The following DSCAML1 variants were observed in gnomAD, a reference collection of about 807,000 sequenced individuals.
The protein encoded by DSCAML1 is cell adhesion molecule DSCAML1.
In DSCAML1, 38 loss-of-function variants were observed where a neutral mutation model predicts 200.5. The observed-to-expected ratio is 0.19, with a 90% CI of 0.15 to 0.25. DSCAML1 has a LOEUF of 0.25. Among genes scored for constraint, DSCAML1 ranks in the 10% least tolerant of loss-of-function variants. The pLI, the probability that DSCAML1 is intolerant of heterozygous loss-of-function variation, is 1.00. For synonymous variants in DSCAML1, 1,215 were observed against 1,165.0 expected, an observed-to-expected ratio of 1.04 and a Z score of -0.87; for missense variants, 2,223 against 2,858.8, an observed-to-expected ratio of 0.78 and a Z score of 5.07.
chr11:117,747,343 T>C (rs2054534487), intron 3 of DSCAML1, among the ~76,000 whole-genome samples: 1 of 152,204 alleles, frequency 6.6e-6, no homozygotes. Flanking sequence ...AGGTACTATA[T>C]TGATGTAGTC....
chr11:117,458,404 C>CA lies in DSCAML1; in HGVS notation c.3568+349dup, dbSNP rs770407095. Among the ~76,000 whole-genome samples the CA allele has an allele frequency of 2.4e-4, 37 of 152,196 alleles. 1 individual carries two copies. Among genetic ancestry groups the CA allele is most frequent in the Non-Finnish European group, 4.9e-4 (33 of 68,030 alleles). On this transcript the variant is annotated intron_variant, in intron 19 of 32. Coordinates refer to ENST00000651296, the MANE Select transcript of DSCAML1 (RefSeq NM_020693.4). ...GCGATGCTCCTGCTTCCCCTAGCCCCAGCGTGTATCCAGAGGAAAGCAGGC... is the reference window on the plus strand; with the variant it reads ...GCGATGCTCCTGCTTCCCCTAGCCCCAAGCGTGTATCCAGAGGAAAGCAGGC...
chr11:117,710,974 C>T (rs588930), intron 3 of DSCAML1, among the ~76,000 whole-genome samples: 129,391 of 152,124 alleles, frequency 0.85, 56,821 homozygotes, highest in Non-Finnish European at 0.96. Flanking sequence ...GGTTGTTCTA[C>T]CTCTATGCCC....
chr11:117,553,027 C>T (rs2050496082), intron 3 of DSCAML1, among the ~76,000 whole-genome samples: 1 of 152,138 alleles, frequency 6.6e-6, no homozygotes, highest in Non-Finnish European at 1.5e-5. Context: ...GCAAAGTTGT[C>T]CATCACCGCC....
intron 3 of DSCAML1, among the ~76,000 whole-genome samples, chr11:117,561,865 T>C (rs1204509657): frequency 1.3e-5 from 2 of 152,240 alleles, no homozygotes; most frequent in Non-Finnish European, 2.9e-5. Flanking sequence ...GCGTCAGGTC[T>C]GCTTTGACTC....
At chr11:117,704,585 C>T (rs887344745) in intron 3 of DSCAML1, among the ~76,000 whole-genome samples, 4 of 152,158 alleles carry the variant, frequency 2.6e-5, no homozygotes, top group African/African-American at 4.8e-5. Flanking sequence ...GCAGGAGCTG[C>T]GGGGAGGAGG....
chr11:117,442,181 T>G (rs959954306), intron 21 of DSCAML1, among the ~76,000 whole-genome samples: 2 of 146,228 alleles, frequency 1.4e-5, no homozygotes, highest in South Asian at 2.2e-4. Context: ...GTAGTGTGTA[T>G]AGTGTGTATG....
At chr11:117,672,513 G>T in intron 3 of DSCAML1, among the ~76,000 whole-genome samples, 1 of 152,154 alleles carries the variant, frequency 6.6e-6, no homozygotes, top group South Asian at 2.1e-4. Flanking sequence ...ATAAGGATTT[G>T]CCATCACTCA....
At chr11:117,726,110 G>A (rs578039026) in intron 3 of DSCAML1, among the ~76,000 whole-genome samples, 32 of 152,374 alleles carry the variant, frequency 2.1e-4, no homozygotes, top group Non-Finnish European at 4.3e-4. Flanking sequence ...GAAGCAGGAC[G>A]AAGTGGGAAT....
At chr11:117,527,054 T>C (rs1232617188) in intron 4 of DSCAML1, among the ~76,000 whole-genome samples, 1 of 152,092 alleles carries the variant, frequency 6.6e-6, no homozygotes, top group Non-Finnish European at 1.5e-5. Context: ...TCCTGGCTAC[T>C]CAGGAGGCTG....
intron 3 of DSCAML1, among the ~76,000 whole-genome samples, chr11:117,640,915 G>A (rs577155558): frequency 1.3e-5 from 2 of 152,296 alleles, no homozygotes; most frequent in Admixed American, 1.3e-4. Flanking sequence ...GTGCATGTGT[G>A]TACATATATG....
At chr11:117,737,451 G>A (rs555149708) in intron 3 of DSCAML1, among the ~76,000 whole-genome samples, 189 of 152,284 alleles carry the variant, frequency 1.2e-3, no homozygotes, top group Non-Finnish European at 2.1e-3. Context: ...ACACCTCAGA[G>A]CTCAGCGACC....
chr11:117,767,053 T>C (rs1021708736), intron 3 of DSCAML1, among the ~76,000 whole-genome samples: 2 of 152,116 alleles, frequency 1.3e-5, no homozygotes, highest in African/African-American at 2.4e-5. Flanking sequence ...GTTAAACCTG[T>C]GTCTCCCGCA....
intron 1 of DSCAML1, among the ~76,000 whole-genome samples, chr11:117,812,349 C>A (rs1237715387): frequency 6.6e-6 from 1 of 152,200 alleles, no homozygotes; most frequent in East Asian, 1.9e-4. Flanking sequence ...ACTCTCCTTA[C>A]AATTCCCCCA....
At chr11:117,676,188 A>T (rs1162234998) in intron 3 of DSCAML1, among the ~76,000 whole-genome samples, 1 of 152,042 alleles carries the variant, frequency 6.6e-6, no homozygotes, top group African/African-American at 2.4e-5. Context: ...AAAAAAAGCA[A>T]TCATAAGAGA....
At position 117,469,620 on chromosome 11, in the gene DSCAML1, C is replaced by T. The variant is rs2048646377; in HGVS notation, c.3024+290G>A. Among the ~76,000 whole-genome samples the T allele has an allele frequency of 6.6e-6, 1 of 152,152 alleles. No homozygotes were observed. Among genetic ancestry groups the T allele is most frequent in the African/African-American group, 2.4e-5 (1 of 41,440 alleles). ...TGGGGTTTGGACGACGGGCCAGCACCACCGAGGAACCATCTTCCCTCCTTG... is the reference window on the plus strand; with the variant it reads ...TGGGGTTTGGACGACGGGCCAGCACTACCGAGGAACCATCTTCCCTCCTTG... On this transcript the variant is annotated intron_variant, in intron 16 of 32. Coordinates refer to ENST00000651296, the MANE Select transcript of DSCAML1 (RefSeq NM_020693.4). This position sits in a 1 kb window ranked among gnomAD's most constrained non-coding sequence, Gnocchi z 4.1.
chr11:117,477,107 T>A (rs2048808733), intron 14 of DSCAML1, among the ~76,000 whole-genome samples: 1 of 151,858 alleles, frequency 6.6e-6, no homozygotes, highest in Non-Finnish European at 1.5e-5. Context: ...TCGCTAAAGA[T>A]CATGCAGCTG....
intron 3 of DSCAML1, among the ~76,000 whole-genome samples, chr11:117,647,186 G>C (rs1194293794): frequency 3.9e-5 from 6 of 152,246 alleles, no homozygotes; most frequent in Admixed American, 3.3e-4. Flanking sequence ...GAGTCCAAGT[G>C]ACCTCTCAGC....
chr11:117,665,916 G>A (rs1565861424), intron 3 of DSCAML1, among the ~76,000 whole-genome samples: 1 of 152,210 alleles, frequency 6.6e-6, no homozygotes, highest in Non-Finnish European at 1.5e-5. Context: ...CCATTGCTCT[G>A]GGAAGTCAGA....
intron 3 of DSCAML1, among the ~76,000 whole-genome samples, chr11:117,737,796 AG>A (rs906618584): frequency 6.6e-6 from 1 of 152,226 alleles, no homozygotes; most frequent in Non-Finnish European, 1.5e-5. Context: ...CATGTCAAGA[AG>A]GGCAGTCCCA....
Sources: allele counts gnomAD v4.1 joint callset (sites outside exome capture counted in the v4.1 genomes callset), GRCh38; gene constraint gnomAD v4.1.1; non-coding constraint Gnocchi (gnomAD v3.1); transcripts MANE v1.5; gene names NCBI Gene and HGNC (gene_info 2026-07-23, HGNC 2026-07-21).